Variants in IL7 observed in about 807,000 individuals in gnomAD.
IL7 encodes the protein interleukin 7, also known as interleukin-7.
In IL7, 3 loss-of-function variants were observed where a neutral mutation model predicts 21.6. The ratio of observed to expected loss-of-function variants is 0.14; its 90% CI spans 0.06 to 0.36. IL7 has a LOEUF of 0.36. Among genes scored for constraint, IL7 ranks in the 10% least tolerant of loss-of-function variants. The pLI is 1.00. For missense variants in IL7, 175 were observed against 200.2 expected, an observed-to-expected ratio of 0.87 and a Z score of 0.76; for synonymous variants, 62 against 68.1, an observed-to-expected ratio of 0.91 and a Z score of 0.44.
chr8:78,800,157 A>G (rs1814004236), intron 1 of IL7, among the ~76,000 whole-genome samples: 1 of 152,212 alleles, frequency 6.6e-6, no homozygotes, highest in South Asian at 2.1e-4. Flanking sequence ...TCCCAGTTAT[A>G]AGTAAAAACA....
intron 3 of IL7, among the ~76,000 whole-genome samples, chr8:78,708,758 G>A (rs1038644166): frequency 3.4e-5 from 5 of 148,766 alleles, no homozygotes; most frequent in African/African-American, 1.0e-4. Flanking sequence ...TTGGCTCACC[G>A]TAACCTCCGC....
intron 4 of IL7, among the ~76,000 whole-genome samples, chr8:78,681,961 T>C (rs1809802327): frequency 6.6e-6 from 1 of 151,206 alleles, no homozygotes; most frequent in African/African-American, 2.4e-5. Flanking sequence ...AGGCTGGTGT[T>C]GAACTCCTGG....
intron 2 of IL7, 64 bp from the exon 3 acceptor site, chr8:78,740,146 TA>T (rs1811730815): frequency 1.1e-6 from 1 of 924,778 alleles, no homozygotes; most frequent in Non-Finnish European, 1.5e-6. Flanking sequence ...CTTGTAATTA[TA>T]AAAAATAATA....
intron 2 of IL7, among the ~76,000 whole-genome samples, chr8:78,755,253 T>C (rs184580778): frequency 3.5e-4 from 53 of 152,068 alleles, no homozygotes; most frequent in Non-Finnish European, 5.5e-4. Context: ...TTTGAAATTA[T>C]ATAGTATGAG....
intron 1 of IL7, among the ~76,000 whole-genome samples, chr8:78,800,034 A>C (rs568278031): frequency 1.3e-5 from 2 of 152,192 alleles, no homozygotes; most frequent in Non-Finnish European, 2.9e-5. Context: ...AATAGTGAAC[A>C]TGGTACCCAA....
intron 3 of IL7, among the ~76,000 whole-genome samples, chr8:78,690,201 A>G (rs915179909): frequency 2.6e-5 from 4 of 152,176 alleles, no homozygotes; most frequent in African/African-American, 9.7e-5. Context: ...ACTATACTGA[A>G]TAGTGAACCT....
intron 2 of IL7, among the ~76,000 whole-genome samples, chr8:78,757,660 A>G (rs1216114414): frequency 1.3e-5 from 2 of 151,954 alleles, no homozygotes; most frequent in Non-Finnish European, 2.9e-5. Flanking sequence ...ATCTCTTGTT[A>G]TGTTCTTTGA....
chr8:78,805,029 G>A lies in IL7; in HGVS notation c.-107C>T. 8.0e-7 allele frequency: 1 copy of A among 1,249,228 alleles called. No homozygotes were observed. Among genetic ancestry groups the A allele is most frequent in the South Asian group, 1.4e-5 (1 of 71,536 alleles). The allele number at this position is 1,249,228 out of a possible 1,614,324, so 77.4% of individuals were successfully genotyped here. A position where few individuals can be genotyped will look rare whatever the true frequency, so the allele number is the denominator to read the frequency against. ...CCCTGGTCTTCCGCGGAGTTGCCGA[G>A]TCTGTGTTGGGCAGGGTGATCTCTG... On this transcript the variant is annotated 5_prime_UTR_variant, in exon 1 of 6. Transcript: ENST00000263851.
At chr8:78,776,537 A>C (rs1004307585) in intron 2 of IL7, among the ~76,000 whole-genome samples, 2 of 152,042 alleles carry the variant, frequency 1.3e-5, no homozygotes, top group Non-Finnish European at 2.9e-5. Context: ...CTCATAAATC[A>C]CACAATTTCT....
chr8:78,743,174 A>G (rs1811856941), intron 2 of IL7, among the ~76,000 whole-genome samples: 1 of 152,286 alleles, frequency 6.6e-6, no homozygotes, highest in East Asian at 1.9e-4. Flanking sequence ...TGTCTTTGCC[A>G]TTGTGAATAG....
chr8:78,696,580 A>G (rs2130537653), intron 3 of IL7, among the ~76,000 whole-genome samples: 1 of 152,332 alleles, frequency 6.6e-6, no homozygotes, highest in Middle Eastern at 3.4e-3. Context: ...AAAAAGAGAA[A>G]GTAAAATAAA....
Position 78,804,987 on chromosome 8 carries a change from C to A in IL7, c.-65G>T. ...GGAGCAGGAGCAAGCTCTCACCGCC[C>A]ATAGTCACTCCCAGGACCCTGGTCT... On this transcript the variant is annotated 5_prime_UTR_variant, in exon 1 of 6. The change abolishes an upstream ATG in the 5' untranslated region. Transcript: ENST00000263851. 1 of 1,570,910 alleles carries A rather than the reference C, an allele frequency of 6.4e-7. No individual in the cohort carries two copies. The highest frequency in any genetic ancestry group is 1.1e-5 in the South Asian group (1 of 87,012).
At chr8:78,802,851 T>C (rs2130856039) in intron 1 of IL7, among the ~76,000 whole-genome samples, 1 of 152,288 alleles carries the variant, frequency 6.6e-6, no homozygotes, top group South Asian at 2.1e-4. Context: ...AATAACCATA[T>C]ATGTGTAGTC....
chr8:78,756,448 G>T (rs537723671), intron 2 of IL7, among the ~76,000 whole-genome samples: 1 of 151,856 alleles, frequency 6.6e-6, no homozygotes, highest in South Asian at 2.1e-4. Flanking sequence ...ATCTGGTCCT[G>T]GGCTTTTCTT....
chr8:78,804,145 G>C (rs140322918), intron 1 of IL7, among the ~76,000 whole-genome samples: 1,772 of 151,934 alleles, frequency 0.012, 20 homozygotes, highest in Non-Finnish European at 0.016. Flanking sequence ...CCTGAATTCT[G>C]TCCCTGTCCA....
At chr8:78,716,039 CAAAA>C (rs753499894), downstream of IL7, among the ~76,000 whole-genome samples, 8 of 57,048 alleles carry the variant, frequency 1.4e-4, no homozygotes, top group Non-Finnish European at 2.4e-4. Context: ...GACTCCATCT[CAAAA>C]AAAAAAAAAA....
At chr8:78,757,694 T>C (rs919719991) in intron 2 of IL7, among the ~76,000 whole-genome samples, 28 of 152,228 alleles carry the variant, frequency 1.8e-4, no homozygotes, top group African/African-American at 5.8e-4. Flanking sequence ...TTGTCCGATA[T>C]AAGTATAGCT....
intron 2 of IL7, among the ~76,000 whole-genome samples, chr8:78,764,043 T>C (rs1812668661): frequency 6.6e-6 from 1 of 152,186 alleles, no homozygotes; most frequent in African/African-American, 2.4e-5. Context: ...TGTTTTAACA[T>C]TGGAATATTG....
At chr8:78,756,089 A>G (rs974329331) in intron 2 of IL7, among the ~76,000 whole-genome samples, 1 of 152,028 alleles carries the variant, frequency 6.6e-6, no homozygotes, top group South Asian at 2.1e-4. Context: ...TGAGATAATC[A>G]TATGGTTTTT....
Sources: allele counts gnomAD v4.1 joint callset (sites outside exome capture counted in the v4.1 genomes callset), GRCh38; gene constraint gnomAD v4.1.1; transcripts MANE v1.5; gene names NCBI Gene and HGNC (gene_info 2026-07-23, HGNC 2026-07-21).